DNAH12: variants seen among roughly 807,000 people sequenced by gnomAD.
The protein encoded by DNAH12 is axonemal beta dynein heavy chain 12.
Under a neutral mutation model 371.5 loss-of-function variants are expected in DNAH12, and 285 were observed. The observed-to-expected ratio is 0.77, with a 90% CI of 0.70 to 0.85. DNAH12 has a LOEUF of 0.85. Among genes scored for constraint, DNAH12 ranks in the 40% least tolerant of loss-of-function variants. The pLI is 0.00. For missense variants in DNAH12, 3,611 were observed against 3,689.4 expected, an observed-to-expected ratio of 0.98 and a Z score of 0.55; for synonymous variants, 1,200 against 1,213.0, an observed-to-expected ratio of 0.99 and a Z score of 0.22.
intron 14 of DNAH12, 88 bp downstream of exon 14, chr3:57,472,458 T>G: frequency 6.8e-7 from 1 of 1,465,030 alleles, no homozygotes; most frequent in South Asian, 1.3e-5. Context: ...ACTTTTAAAG[T>G]TAGATGGCCA....
At chr3:57,337,217 A>T (rs529797505) in intron 60 of DNAH12, among the ~76,000 whole-genome samples, 166 of 152,290 alleles carry the variant, frequency 1.1e-3, no homozygotes, top group African/African-American at 3.9e-3. Context: ...ATAAAAATAC[A>T]TGCACCTGGC....
At chr3:57,402,139 T>A (rs1559618187) in intron 43 of DNAH12, among the ~76,000 whole-genome samples, 1 of 152,168 alleles carries the variant, frequency 6.6e-6, no homozygotes, top group Non-Finnish European at 1.5e-5. Flanking sequence ...ACAATGTAAG[T>A]GTAATTTTCC....
intron 12 of DNAH12, among the ~76,000 whole-genome samples, chr3:57,487,751 A>G (rs1021716339): frequency 1.3e-5 from 2 of 152,246 alleles, no homozygotes; most frequent in African/African-American, 4.8e-5. Context: ...AGCTGCTTTT[A>G]TATCATAGCT....
chr3:57,481,128 T>C (rs1348456943), intron 13 of DNAH12, among the ~76,000 whole-genome samples: 1 of 152,182 alleles, frequency 6.6e-6, no homozygotes, highest in African/African-American at 2.4e-5. Flanking sequence ...GGAAGTCAAA[T>C]TGTCCCTGTT....
intron 4 of DNAH12, among the ~76,000 whole-genome samples, chr3:57,518,532 A>AAAAG (rs2068288351): frequency 6.7e-6 from 1 of 149,564 alleles, no homozygotes. Flanking sequence ...CTGTCTCAAA[A>AAAAG]AAAAGAAAAG....
intron 2 of DNAH12, among the ~76,000 whole-genome samples, chr3:57,531,605 T>C (rs2068849997): frequency 6.6e-6 from 1 of 151,064 alleles, no homozygotes; most frequent in Admixed American, 6.6e-5. Context: ...CTACTAAAAA[T>C]ACAAAAAAAA....
At chr3:57,479,752 T>G (rs976583900) in intron 13 of DNAH12, among the ~76,000 whole-genome samples, 3 of 152,004 alleles carry the variant, frequency 2.0e-5, no homozygotes, top group Admixed American at 6.6e-5. Flanking sequence ...AAACTAGAAC[T>G]CAGGATTAAG....
chr3:57,479,662 C>T (rs1417742992), intron 13 of DNAH12, among the ~76,000 whole-genome samples: 12 of 152,124 alleles, frequency 7.9e-5, no homozygotes, highest in South Asian at 2.1e-4. Flanking sequence ...ATTGACCACA[C>T]GGTTGGAAGT....
chr3:57,446,142 C>G lies in DNAH12; in HGVS notation c.4068G>C (p.Leu1356Phe), dbSNP rs1273142029. The G allele has an allele frequency of 6.4e-7, 1 of 1,551,644 alleles. No homozygotes were observed. The highest frequency in any genetic ancestry group is 8.7e-7 in the Non-Finnish European group (1 of 1,146,998). ...LCIQRAIQQK[L>F]VVFVFEGTEL... Reference sequence around the variant, plus strand: ...CTGTCCCTTCAAAAACAAACACAACCAACTTCTGTTGAATAGCTCTCTGAA... The same window carrying G: ...CTGTCCCTTCAAAAACAAACACAACGAACTTCTGTTGAATAGCTCTCTGAA... Residue 1356 changes from leucine (L) to phenylalanine (F), a missense_variant, in exon 27 of 74, where the codon TTG (leucine) becomes TTC (phenylalanine). Physicochemically the swap from Leu to Phe is conservative, Grantham distance 22. Coordinates refer to ENST00000495027, the MANE Select transcript of DNAH12 (RefSeq NM_001366028.2).
chr3:57,359,886 G>A (rs1232350234), intron 58 of DNAH12, among the ~76,000 whole-genome samples: 1 of 152,102 alleles, frequency 6.6e-6, no homozygotes, highest in Non-Finnish European at 1.5e-5. Context: ...GGTGGAGAAA[G>A]GTAGAATAGA....
At chr3:57,364,779 A>G (rs1241134258) in intron 57 of DNAH12, among the ~76,000 whole-genome samples, 2 of 152,126 alleles carry the variant, frequency 1.3e-5, no homozygotes, top group African/African-American at 2.4e-5. Flanking sequence ...AAGAAAAGAC[A>G]AACAACCCCA....
At chr3:57,343,812 G>A (rs532680138) in intron 60 of DNAH12, among the ~76,000 whole-genome samples, 3 of 152,310 alleles carry the variant, frequency 2.0e-5, no homozygotes, top group African/African-American at 7.2e-5. Flanking sequence ...GGCGAGACAT[G>A]TTTGCAGCAA....
chr3:57,408,392 T>G lies in DNAH12; in HGVS notation c.6164A>C (p.Asp2055Ala), dbSNP rs1553681949. The change falls in exon 40 of 74, where the codon GAT becomes GCT. Residue 2055 changes from aspartate to alanine, a missense_variant. Transcript: ENST00000495027. ...FNICSINSFS[D>A]ETMVRIFSSI... is the part of the protein sequence containing the mutation. ...TGAGAAGATTCGGACCATAGTTTCA[T>G]CACTAAAAGAATTAATACTGCAGAT... 6.4e-7 allele frequency: 1 copy of G among 1,551,634 alleles called. No homozygotes were observed. Among genetic ancestry groups the G allele is most frequent in the Admixed American group, 2.0e-5 (1 of 50,990 alleles).
At chr3:57,487,589 A>G (rs2153384897) in intron 12 of DNAH12, among the ~76,000 whole-genome samples, 1 of 152,248 alleles carries the variant, frequency 6.6e-6, no homozygotes, top group African/African-American at 2.4e-5. Flanking sequence ...AGCAGATGCT[A>G]AACCAAACGG....
intron 43 of DNAH12, among the ~76,000 whole-genome samples, chr3:57,396,325 T>C (rs2063741020): frequency 6.8e-6 from 1 of 147,620 alleles, no homozygotes; most frequent in African/African-American, 2.5e-5. Context: ...ACCATAAACA[T>C]TTTAATTTAA....
intron 4 of DNAH12, among the ~76,000 whole-genome samples, chr3:57,515,777 T>C (rs1304477279): frequency 6.6e-6 from 1 of 151,996 alleles, no homozygotes; most frequent in Non-Finnish European, 1.5e-5. Flanking sequence ...ATAGAAAAAT[T>C]ACTATTTGGC....
intron 43 of DNAH12, among the ~76,000 whole-genome samples, chr3:57,402,703 G>A (rs2063908436): frequency 6.6e-6 from 1 of 152,150 alleles, no homozygotes; most frequent in Admixed American, 6.5e-5. Flanking sequence ...GACAGAGGAG[G>A]ATAAAGAGAA....
intron 62 of DNAH12, among the ~76,000 whole-genome samples, chr3:57,327,278 A>G (rs1381717479): frequency 6.6e-6 from 1 of 151,720 alleles, no homozygotes; most frequent in Non-Finnish European, 1.5e-5. Context: ...ACCACACTAC[A>G]CCTATTCCAA....
rs1359624199 is a variant in DNAH12, at chr3:57,471,456, C to A, written c.1911+16G>T. On this transcript the variant is annotated intron_variant, in intron 15 of 73. Coordinates refer to ENST00000495027, the MANE Select transcript of DNAH12 (RefSeq NM_001366028.2). The stretch of plus-strand genomic sequence containing the variant: ...TATGGGCTGGCCATAGCTATTGTCT[C>A]ATATATTTATCAGACCTGTTGCATG... The A allele has an allele frequency of 1.0e-5, 16 of 1,530,790 alleles. No individual in the cohort carries two copies. The highest frequency in any genetic ancestry group is 1.4e-5 in the Non-Finnish European group (16 of 1,142,002). The allele number at this position is 1,530,790 out of a possible 1,614,324, so 94.8% of individuals were successfully genotyped here.
Sources: gnomAD v4.1 joint callset for allele counts (sites outside exome capture counted in the v4.1 genomes callset) on GRCh38, gnomAD v4.1.1 for gene constraint, MANE v1.5 for transcripts, NCBI Gene and HGNC (gene_info 2026-07-23, HGNC 2026-07-21) for gene names.